The following UNC13C variants were observed in gnomAD, a reference collection of about 807,000 sequenced individuals.
UNC13C encodes the protein unc-13 homolog C, also known as protein unc-13 homolog C.
Under a neutral mutation model 245.4 loss-of-function variants are expected in UNC13C, and 174 were observed. The observed-to-expected ratio is 0.71, with a 90% CI of 0.63 to 0.80. The LOEUF (loss-of-function observed/expected upper bound fraction) is 0.80. Ranked by LOEUF, UNC13C falls within the 30% of genes least tolerant of loss-of-function variation. The pLI, the probability that UNC13C is intolerant of heterozygous loss-of-function variation, is 0.00. For missense variants in UNC13C, 2,829 were observed against 2,602.9 expected (o/e 1.09, Z -1.89); for synonymous variants, 992 against 895.1 (o/e 1.11, Z -1.93).
chr15:54,170,770 T>G (rs1027186399), intron 4 of UNC13C, among the ~76,000 whole-genome samples: 2 of 152,180 alleles, frequency 1.3e-5, no homozygotes, highest in African/African-American at 2.4e-5. Flanking sequence ...TTTGTAAGTA[T>G]GTTTTGGCTG....
chr15:54,172,125 G>A, intron 4 of UNC13C, among the ~76,000 whole-genome samples: 1 of 151,974 alleles, frequency 6.6e-6, no homozygotes, highest in Non-Finnish European at 1.5e-5. Flanking sequence ...TAGTGGTGGG[G>A]GAGTGGGAAT....
chr15:54,118,994 C>A (rs991606917), intron 2 of UNC13C, among the ~76,000 whole-genome samples: 5 of 150,860 alleles, frequency 3.3e-5, no homozygotes, highest in Non-Finnish European at 7.4e-5. Flanking sequence ...GAATAAATCC[C>A]ACTTGATCAT....
chr15:54,095,668 T>C, intron 2 of UNC13C, among the ~76,000 whole-genome samples: 1 of 152,188 alleles, frequency 6.6e-6, no homozygotes, highest in East Asian at 1.9e-4. Context: ...CGATTTATAT[T>C]CACAGTCACT....
the UNC13C span, among the ~76,000 whole-genome samples, chr15:53,890,451 C>T: frequency 6.6e-6 from 1 of 152,124 alleles, no homozygotes; most frequent in East Asian, 1.9e-4. Flanking sequence ...ACCAGTTCCT[C>T]TTTGTACCTC....
intron 25 of UNC13C, 51 bp downstream of exon 25, chr15:54,525,688 C>A: frequency 6.9e-7 from 1 of 1,455,272 alleles, no homozygotes; most frequent in South Asian, 1.2e-5. Flanking sequence ...GGTGTCAGTT[C>A]ATGATATTCT....
In UNC13C at chr15:54,460,217, G is replaced by A. The variant is rs141564871; in HGVS notation, c.4934-34391G>A. 1.2e-4 allele frequency among the ~76,000 whole-genome samples: 18 copies of A among 152,342 alleles called. No individual in the cohort carries two copies. The East Asian group carries it at 3.5e-3, about 29-fold the overall frequency. On this transcript the variant is annotated intron_variant, in intron 19 of 32. Transcript: ENST00000260323. ...GAGCTCTGGGCTTGTGCTGTGGAAT[G>A]TTTGTAAAGAGTCCTGTGATGTGAT...
intron 7 of UNC13C, among the ~76,000 whole-genome samples, chr15:54,240,422 A>G (rs2035820735): frequency 6.6e-6 from 1 of 152,236 alleles, no homozygotes; most frequent in African/African-American, 2.4e-5. Flanking sequence ...AAAAGCATAA[A>G]ATATTTGCTT....
chr15:53,863,922 G>A, the UNC13C span, among the ~76,000 whole-genome samples: 21,935 of 152,036 alleles, frequency 0.14, 1,759 homozygotes, highest in Admixed American at 0.22. Flanking sequence ...CCACGATGTA[G>A]CCCCAGTGGT....
intron 19 of UNC13C, among the ~76,000 whole-genome samples, chr15:54,492,459 T>C (rs1279932706): frequency 2.6e-5 from 4 of 152,186 alleles, no homozygotes; most frequent in African/African-American, 9.6e-5. Context: ...GCCATCTAGT[T>C]GGCAAAGAAG....
chr15:54,466,179 A>T (rs921835159), intron 19 of UNC13C, among the ~76,000 whole-genome samples: 1 of 151,966 alleles, frequency 6.6e-6, no homozygotes, highest in Non-Finnish European at 1.5e-5. Context: ...TGGTTACCAG[A>T]GGTTGCAAAG....
chr15:54,095,846 A>G (rs552725964), intron 2 of UNC13C, among the ~76,000 whole-genome samples: 1 of 152,222 alleles, frequency 6.6e-6, no homozygotes, highest in African/African-American at 2.4e-5. Flanking sequence ...AGTATATATT[A>G]GTAGTTCCAT....
chr15:54,251,038 G>A (rs1486935095), intron 8 of UNC13C, among the ~76,000 whole-genome samples: 3 of 152,044 alleles, frequency 2.0e-5, no homozygotes, highest in Admixed American at 1.3e-4. Context: ...TTACATAGGC[G>A]TGAGCCACCG....
chr15:54,594,353 A>T (rs1898954231), intron 30 of UNC13C, among the ~76,000 whole-genome samples: 1 of 151,952 alleles, frequency 6.6e-6, no homozygotes, highest in Admixed American at 6.6e-5. Context: ...AGTAGTGTGG[A>T]GAAGGACCAT....
At chr15:54,119,210 G>A (rs188784469) in intron 2 of UNC13C, among the ~76,000 whole-genome samples, 2 of 152,024 alleles carry the variant, frequency 1.3e-5, no homozygotes, top group East Asian at 1.9e-4. Flanking sequence ...AAGATATTGC[G>A]TTTTTTTACA....
At chr15:54,038,329 A>G (rs1374522789) in intron 2 of UNC13C, among the ~76,000 whole-genome samples, 2 of 151,042 alleles carry the variant, frequency 1.3e-5, no homozygotes. Context: ...GTGGAGTTTC[A>G]CCATGTTGGC....
chr15:54,384,138 T>A (rs2039786246), intron 17 of UNC13C, among the ~76,000 whole-genome samples: 1 of 152,058 alleles, frequency 6.6e-6, no homozygotes, highest in Non-Finnish European at 1.5e-5. Context: ...TGCCATTTTT[T>A]ACAGAAATAT....
At chr15:54,177,472 G>A (rs1287855991) in intron 4 of UNC13C, among the ~76,000 whole-genome samples, 1 of 152,050 alleles carries the variant, frequency 6.6e-6, no homozygotes, top group African/African-American at 2.4e-5. Context: ...TAAAATACAG[G>A]TAGGCATTAT....
intron 2 of UNC13C, among the ~76,000 whole-genome samples, chr15:54,057,025 A>G (rs905708383): frequency 2.0e-5 from 3 of 152,196 alleles, no homozygotes; most frequent in Non-Finnish European, 2.9e-5. Context: ...TGTAAAGACC[A>G]TCAAGGCTAG....
At chr15:53,939,026 G>T in the UNC13C span, among the ~76,000 whole-genome samples, 1 of 151,846 alleles carries the variant, frequency 6.6e-6, no homozygotes, top group African/African-American at 2.4e-5. Context: ...ATAGAGCCAA[G>T]AAAAACTCTT....
Sources: gnomAD v4.1 joint callset for allele counts (sites outside exome capture counted in the v4.1 genomes callset) on GRCh38, gnomAD v4.1.1 for gene constraint, MANE v1.5 for transcripts, NCBI Gene and HGNC (gene_info 2026-07-23, HGNC 2026-07-21) for gene names.